LDLRAD3: variants seen among roughly 807,000 people sequenced by gnomAD.
LDLRAD3 encodes low-density lipoprotein receptor class A domain-containing protein 3.
Under a neutral mutation model 29.4 loss-of-function variants are expected in LDLRAD3, and 20 were observed. The ratio of observed to expected loss-of-function variants is 0.68; its 90% CI spans 0.48 to 0.99. LDLRAD3 has a LOEUF of 0.99. Among genes scored for constraint, LDLRAD3 ranks in the 50% least tolerant of loss-of-function variants. The pLI, the probability that LDLRAD3 is intolerant of heterozygous loss-of-function variation, is 0.00. For missense variants in LDLRAD3, 420 were observed against 454.3 expected (o/e 0.92, Z 0.69); for synonymous variants, 157 against 192.7 (o/e 0.81, Z 1.53).
chr11:36,056,355 A>T (rs754002109), intron 2 of LDLRAD3, among the ~76,000 whole-genome samples: 1 of 152,180 alleles, frequency 6.6e-6, no homozygotes, highest in Non-Finnish European at 1.5e-5. Flanking sequence ...AATGCTCTGC[A>T]TGGATGATCT....
intron 4 of LDLRAD3, among the ~76,000 whole-genome samples, chr11:36,107,432 G>A (rs912691760): frequency 6.6e-6 from 1 of 152,104 alleles, no homozygotes; most frequent in Non-Finnish European, 1.5e-5. Flanking sequence ...CTGACCTCAG[G>A]TGATCTGCCC....
At chr11:36,170,022 C>CA (rs1176524350) in intron 4 of LDLRAD3, among the ~76,000 whole-genome samples, 3 of 152,052 alleles carry the variant, frequency 2.0e-5, no homozygotes, top group African/African-American at 7.2e-5. Flanking sequence ...ACCCTCCTCC[C>CA]ACCCTTCCCT....
intron 4 of LDLRAD3, among the ~76,000 whole-genome samples, chr11:36,121,088 A>G (rs192458736): frequency 6.6e-5 from 10 of 152,202 alleles, no homozygotes; most frequent in African/African-American, 2.2e-4. Flanking sequence ...CTAGTTCACT[A>G]TTCTGTCCCC....
intron 1 of LDLRAD3, among the ~76,000 whole-genome samples, chr11:35,949,575 G>A (rs1414882506): frequency 6.6e-6 from 1 of 152,144 alleles, no homozygotes; most frequent in Non-Finnish European, 1.5e-5. Context: ...CTCTACTAGC[G>A]GCAAGCTGTG....
chr11:36,013,696 G>C (rs2133190386), intron 1 of LDLRAD3, among the ~76,000 whole-genome samples: 1 of 152,210 alleles, frequency 6.6e-6, no homozygotes, highest in Admixed American at 6.5e-5. Context: ...TTTTCTTTAG[G>C]AGTGATGTCT....
At chr11:35,949,786 C>T (rs1023880989) in intron 1 of LDLRAD3, among the ~76,000 whole-genome samples, 4 of 152,176 alleles carry the variant, frequency 2.6e-5, no homozygotes, top group African/African-American at 9.7e-5. Flanking sequence ...CTGCAGCTGT[C>T]TTCTTTTGGG....
intron 4 of LDLRAD3, among the ~76,000 whole-genome samples, chr11:36,114,356 G>A (rs1332711346): frequency 2.0e-5 from 3 of 152,168 alleles, no homozygotes; most frequent in South Asian, 2.1e-4. Flanking sequence ...GAGACATCCT[G>A]TAGTGGCTGC....
At chr11:36,110,780 C>G (rs1012037223) in intron 4 of LDLRAD3, among the ~76,000 whole-genome samples, 2 of 152,226 alleles carry the variant, frequency 1.3e-5, no homozygotes, top group Non-Finnish European at 2.9e-5. Context: ...GATAATTACC[C>G]TCAAGTGTGA....
chr11:36,036,768 C>T (rs947061045), intron 2 of LDLRAD3, among the ~76,000 whole-genome samples: 1 of 152,164 alleles, frequency 6.6e-6, no homozygotes, highest in Admixed American at 6.5e-5. Flanking sequence ...TTCCCATCCC[C>T]TTTTCTCTGC....
At chr11:36,018,515 A>C (rs1384223561) in intron 1 of LDLRAD3, among the ~76,000 whole-genome samples, 1 of 152,130 alleles carries the variant, frequency 6.6e-6, no homozygotes, top group Non-Finnish European at 1.5e-5. Context: ...AGTTCTTTAA[A>C]GTTTTGGACT....
chr11:36,126,955 C>T (rs1853847106), intron 4 of LDLRAD3, among the ~76,000 whole-genome samples: 2 of 152,120 alleles, frequency 1.3e-5, no homozygotes, highest in African/African-American at 4.8e-5. Context: ...AGAATCAGCC[C>T]AAAAGGAAAA....
At chr11:36,084,227 G>T (rs1159350716) in intron 3 of LDLRAD3, among the ~76,000 whole-genome samples, 2 of 152,140 alleles carry the variant, frequency 1.3e-5, no homozygotes, top group East Asian at 3.8e-4. Context: ...GCCTGGTCTG[G>T]TCTTTAATTT....
rs149901566 is a variant in LDLRAD3 at position 36,208,090 on chromosome 11, G to A, written c.455-18995G>A. On this transcript the variant is annotated intron_variant, in intron 4 of 5. Coordinates refer to ENST00000315571, the MANE Select transcript of LDLRAD3 (RefSeq NM_174902.4). ...CTAGGCCTGGGGCTGGGAAATACAA[G>A]ATGAGCCCGAAGCATCTTCTCCCAG... 3.5e-3 allele frequency among the ~76,000 whole-genome samples: 535 copies of A among 152,256 alleles called. 2 individuals carry two copies. The highest frequency in any genetic ancestry group is 5.9e-3 in the Non-Finnish European group (398 of 68,022).
chr11:36,080,001 T>G (rs1853085943), intron 2 of LDLRAD3, among the ~76,000 whole-genome samples: 1 of 152,178 alleles, frequency 6.6e-6, no homozygotes, highest in East Asian at 1.9e-4. Flanking sequence ...AGTTCCAAGG[T>G]GAAACAAAGC....
At chr11:36,141,702 G>A (rs1854089336) in intron 4 of LDLRAD3, among the ~76,000 whole-genome samples, 1 of 152,184 alleles carries the variant, frequency 6.6e-6, no homozygotes, top group Non-Finnish European at 1.5e-5. Context: ...GTTCAAATAA[G>A]TAGTTTCTAT....
chr11:36,133,354 CTTTCTTTTCTTTTCTTTTCTTTTCT>C (rs72293435), intron 4 of LDLRAD3, among the ~76,000 whole-genome samples: 47,759 of 130,206 alleles, frequency 0.37, 8,086 homozygotes, highest in Middle Eastern at 0.47. Flanking sequence ...TTTTCTTTTC[CTTTCTTTTCTTTTCTTTTCTTTTCT>C]TTTCTTTTCT....
intron 1 of LDLRAD3, among the ~76,000 whole-genome samples, chr11:36,028,125 C>G (rs1852190635): frequency 6.6e-6 from 1 of 152,194 alleles, no homozygotes; most frequent in South Asian, 2.1e-4. Context: ...TTCTTCACCC[C>G]AATCTCATTT....
intron 4 of LDLRAD3, among the ~76,000 whole-genome samples, chr11:36,170,815 T>C (rs991748370): frequency 2.0e-5 from 3 of 151,854 alleles, no homozygotes; most frequent in African/African-American, 7.3e-5. Context: ...TTTTTTTTTT[T>C]TTTTTGAGAC....
intron 4 of LDLRAD3, among the ~76,000 whole-genome samples, chr11:36,101,496 CA>C: frequency 6.6e-6 from 1 of 152,206 alleles, no homozygotes; most frequent in East Asian, 1.9e-4. Context: ...AAAATAATAA[CA>C]AGTATTATTA....
Sources: allele counts gnomAD v4.1 joint callset (sites outside exome capture counted in the v4.1 genomes callset), GRCh38; gene constraint gnomAD v4.1.1; transcripts MANE v1.5; gene names NCBI Gene and HGNC (gene_info 2026-07-23, HGNC 2026-07-21).